Variants in CEMIP observed in about 807,000 individuals in gnomAD.
CEMIP encodes cell migration-inducing and hyaluronan-binding protein.
Under a neutral mutation model 156.9 loss-of-function variants are expected in CEMIP, and 105 were observed. That is an observed-to-expected ratio of 0.67 (90% CI 0.57 to 0.79). The LOEUF (loss-of-function observed/expected upper bound fraction) is 0.79. CEMIP is among the 30% of genes least tolerant of loss of function. CEMIP has a pLI of 0.00. For synonymous variants in CEMIP, 676 were observed against 668.4 expected, an observed-to-expected ratio of 1.01 and a Z score of -0.17; for missense variants, 1,457 against 1,769.4, an observed-to-expected ratio of 0.82 and a Z score of 3.17.
At chr15:80,829,071 A>C (rs1897099063) in intron 1 of CEMIP, among the ~76,000 whole-genome samples, 1 of 152,228 alleles carries the variant, frequency 6.6e-6, no homozygotes, top group Non-Finnish European at 1.5e-5. Flanking sequence ...TTGTGATCCC[A>C]GAGGGATTCC....
intron 12 of CEMIP, among the ~76,000 whole-genome samples, chr15:80,899,734 A>G (rs547504859): frequency 5.3e-5 from 8 of 152,182 alleles, no homozygotes; most frequent in Non-Finnish European, 1.0e-4. Context: ...CCTACTGGAT[A>G]TCCCCTGGCA....
chr15:80,896,690 T>C (rs148990325), intron 12 of CEMIP, among the ~76,000 whole-genome samples: 2 of 152,346 alleles, frequency 1.3e-5, no homozygotes, highest in East Asian at 3.9e-4. Flanking sequence ...ACTTCAAATA[T>C]AATCCAGGTC....
At chr15:80,900,408 T>G (rs933482539) in intron 12 of CEMIP, among the ~76,000 whole-genome samples, 1 of 152,120 alleles carries the variant, frequency 6.6e-6, no homozygotes, top group Non-Finnish European at 1.5e-5. Flanking sequence ...GCCCTCCACT[T>G]TCCTTGGGGT....
chr15:80,922,050 C>T lies in CEMIP; in HGVS notation c.2115C>T (p.Gly705=), dbSNP rs773324322. 1 of 1,614,220 alleles carries T rather than the reference C, an allele frequency of 6.2e-7. No homozygotes were observed. Among genetic ancestry groups the T allele is most frequent in the Non-Finnish European group, 8.5e-7 (1 of 1,180,010 alleles). Reference sequence around the variant, plus strand: ...TTATTTTTCACCACGTACCAACGGGCCCCTCCGTGGGAATGTACTCCCCAG... The same window carrying T: ...TTATTTTTCACCACGTACCAACGGGTCCCTCCGTGGGAATGTACTCCCCAG... ...FWFIFHHVPT[G]PSVGMYSPGY... Residue 705 remains glycine, a synonymous_variant, in exon 17 of 30, where the codon GGC becomes GGT. Coordinates refer to ENST00000394685, the MANE Select transcript of CEMIP (RefSeq NM_001293298.2).
chr15:80,809,495 T>C (rs572617408), intron 1 of CEMIP, among the ~76,000 whole-genome samples: 14 of 152,364 alleles, frequency 9.2e-5, no homozygotes, highest in Non-Finnish European at 1.8e-4. Context: ...GGAATTGTTC[T>C]GGATGAAACT....
intron 1 of CEMIP, among the ~76,000 whole-genome samples, chr15:80,848,613 C>T (rs1423505298): frequency 2.0e-5 from 3 of 152,156 alleles, no homozygotes; most frequent in Non-Finnish European, 4.4e-5. Flanking sequence ...TTCCAAGGAG[C>T]ATCAGCAAGA....
chr15:80,781,914 G>A (rs1165906903), intron 1 of CEMIP, among the ~76,000 whole-genome samples: 1 of 152,066 alleles, frequency 6.6e-6, no homozygotes, highest in Non-Finnish European at 1.5e-5. Flanking sequence ...CCATCCCTTT[G>A]CCCTCTCTCT....
At chr15:80,807,818 T>G (rs1354412302) in intron 1 of CEMIP, among the ~76,000 whole-genome samples, 1 of 152,238 alleles carries the variant, frequency 6.6e-6, no homozygotes. Flanking sequence ...TACAAAGATC[T>G]GTTTGTAGTA....
At chr15:80,798,719 A>G (rs1446270811) in intron 1 of CEMIP, among the ~76,000 whole-genome samples, 1 of 152,164 alleles carries the variant, frequency 6.6e-6, no homozygotes, top group Non-Finnish European at 1.5e-5. Flanking sequence ...TCTTATCAGT[A>G]GGTCTGATCT....
intron 1 of CEMIP, among the ~76,000 whole-genome samples, chr15:80,854,141 C>T (rs992985989): frequency 1.3e-5 from 2 of 152,264 alleles, no homozygotes; most frequent in Admixed American, 1.3e-4. Flanking sequence ...TACCTCCTCT[C>T]TCTGCCAGGA....
At chr15:80,938,243 G>T in intron 25 of CEMIP, 1 of 438,544 alleles carries the variant, frequency 2.3e-6, no homozygotes, top group South Asian at 2.3e-5. Context: ...AAAAGTGAAG[G>T]CAGTAAATCT....
chr15:80,875,126 C>T (rs767801171), intron 3 of CEMIP, among the ~76,000 whole-genome samples: 11 of 147,528 alleles, frequency 7.5e-5, no homozygotes, highest in South Asian at 2.2e-4. Flanking sequence ...CTCTACCTCC[C>T]GGGCTCAAAA....
At chr15:80,924,430 G>C (rs1900580699) in intron 17 of CEMIP, among the ~76,000 whole-genome samples, 191 bp from the exon 18 acceptor site, 1 of 152,106 alleles carries the variant, frequency 6.6e-6, no homozygotes, top group African/African-American at 2.4e-5. Context: ...TTCCAGATTT[G>C]GTCTGAGCAA....
chr15:80,928,751 C>A, intron 19 of CEMIP, 151 bp from the exon 20 acceptor site: 2 of 980,460 alleles, frequency 2.0e-6, no homozygotes, highest in Non-Finnish European at 3.2e-6. Context: ...AGAGCCACAA[C>A]TCCCTGAGCA....
chr15:80,930,729 A>C (rs1900881071), intron 21 of CEMIP, among the ~76,000 whole-genome samples: 1 of 152,190 alleles, frequency 6.6e-6, no homozygotes, highest in Non-Finnish European at 1.5e-5. Context: ...TCCTCAAGGA[A>C]CCATATTGGA....
chr15:80,947,124 C>A, intron 29 of CEMIP, 59 bp downstream of exon 29: 1 of 1,083,560 alleles, frequency 9.2e-7, no homozygotes, highest in Non-Finnish European at 1.4e-6. Context: ...AAATGCCTGG[C>A]ATGGAGGGTG....
chr15:80,791,243 G>C (rs1300756292), intron 1 of CEMIP, among the ~76,000 whole-genome samples: 1 of 152,166 alleles, frequency 6.6e-6, no homozygotes, highest in African/African-American at 2.4e-5. Context: ...AGTGAAGTGT[G>C]TGATCAATTG....
At chr15:80,810,885 C>T (rs1448692118) in intron 1 of CEMIP, among the ~76,000 whole-genome samples, 1 of 152,184 alleles carries the variant, frequency 6.6e-6, no homozygotes, top group East Asian at 1.9e-4. Flanking sequence ...TGTCCTCTTC[C>T]AACCATCTGG....
chr15:80,823,185 T>C (rs1272502657), intron 1 of CEMIP, among the ~76,000 whole-genome samples: 1 of 152,136 alleles, frequency 6.6e-6, no homozygotes, highest in Non-Finnish European at 1.5e-5. Flanking sequence ...TAAATGAGAG[T>C]ATGCCTCTGT....
Sources: gnomAD v4.1 joint callset for allele counts (sites outside exome capture counted in the v4.1 genomes callset) on GRCh38, gnomAD v4.1.1 for gene constraint, MANE v1.5 for transcripts, NCBI Gene and HGNC (gene_info 2026-07-23, HGNC 2026-07-21) for gene names.